The following MITF variants were observed in gnomAD, a reference collection of about 807,000 sequenced individuals.
The protein encoded by MITF is melanocyte inducing transcription factor, also known as microphthalmia-associated transcription factor.
In MITF, 17 loss-of-function variants were observed where a neutral mutation model predicts 60.5. The ratio of observed to expected loss-of-function variants is 0.28; its 90% confidence interval spans 0.19 to 0.42. MITF has a LOEUF of 0.42. Among genes scored for constraint, MITF ranks in the 10% least tolerant of loss-of-function variants. The pLI, the probability that MITF is intolerant of heterozygous loss-of-function variation, is 1.00. For synonymous variants in MITF, 260 were observed against 248.5 expected (o/e 1.05, Z -0.43); for missense variants, 622 against 683.5 (o/e 0.91, Z 1.00).
intron 2 of MITF, among the ~76,000 whole-genome samples, chr3:69,935,102 G>A (rs1052404210): frequency 6.6e-6 from 1 of 152,082 alleles, no homozygotes; most frequent in African/African-American, 2.4e-5. Context: ...TACCTTCCTC[G>A]TAGCTCATGT....
At chr3:69,740,500 C>T (rs961536468) in intron 1 of MITF, among the ~76,000 whole-genome samples, 2 of 152,116 alleles carry the variant, frequency 1.3e-5, no homozygotes, top group Non-Finnish European at 2.9e-5. Context: ...GTGAAGACAT[C>T]CACTGCTCTG....
At chr3:69,887,739 C>T (rs774018287) in intron 2 of MITF, among the ~76,000 whole-genome samples, 1 of 152,026 alleles carries the variant, frequency 6.6e-6, no homozygotes. Context: ...ACCATTGTTT[C>T]TACCAGCTGT....
chr3:69,802,394 G>T (rs141708488), intron 1 of MITF, among the ~76,000 whole-genome samples: 27 of 152,318 alleles, frequency 1.8e-4, no homozygotes, highest in Non-Finnish European at 3.2e-4. Context: ...CGTGCGTTTA[G>T]ATGTTCTCCC....
At chr3:69,943,569 C>A (rs895615981) in intron 5 of MITF, among the ~76,000 whole-genome samples, 2 of 152,004 alleles carry the variant, frequency 1.3e-5, no homozygotes, top group African/African-American at 4.8e-5. Flanking sequence ...ATTATAATAT[C>A]AAATAATATT....
chr3:69,938,278 T>G, intron 3 of MITF: 1 of 1,329,544 alleles, frequency 7.5e-7, no homozygotes, highest in Admixed American at 2.0e-5. Context: ...AAGTGAAATG[T>G]GGAGGCGAGG....
chr3:69,935,761 A>G (rs955083221), intron 2 of MITF, among the ~76,000 whole-genome samples: 1 of 152,212 alleles, frequency 6.6e-6, no homozygotes, highest in Non-Finnish European at 1.5e-5. Context: ...TAAGTTTCAT[A>G]AAGCTGGAAA....
intron 1 of MITF, among the ~76,000 whole-genome samples, chr3:69,870,331 CACAT>C (rs1479210587): frequency 2.0e-5 from 3 of 148,188 alleles, no homozygotes; most frequent in Non-Finnish European, 4.4e-5. Context: ...TATATATACA[CACAT>C]ACATGTGTGT....
intron 1 of MITF, among the ~76,000 whole-genome samples, chr3:69,821,314 T>A (rs1897159): frequency 0.16 from 23,656 of 152,102 alleles, 2,120 homozygotes; most frequent in Non-Finnish European, 0.21. Context: ...GCCCTGACAA[T>A]GCTGGAATTT....
intron 1 of MITF, among the ~76,000 whole-genome samples, chr3:69,783,826 G>C (rs1442642614): frequency 6.6e-6 from 1 of 152,188 alleles, no homozygotes; most frequent in Non-Finnish European, 1.5e-5. Flanking sequence ...TTGGACTCCA[G>C]CTGTCTCTAC....
In MITF at chr3:69,852,838, T is replaced by C. The variant is rs142679369; in HGVS notation, c.105-26296T>C. On this transcript the variant is annotated intron_variant, in intron 1 of 9. Transcript: ENST00000352241. ...CAACATTTGGTAATACATCTCCCTT[T>C]CATTTTACTGAAGAATACGTAGTGT... is the stretch of plus-strand genomic sequence containing the variant. Among the ~76,000 whole-genome samples the C allele has an allele frequency of 4.3e-3, 656 of 152,278 alleles. 2 individuals are homozygous for C. The highest frequency in any genetic ancestry group is 0.015 in the African/African-American group (614 of 41,546).
At chr3:69,826,658 C>T (rs932249282) in intron 1 of MITF, among the ~76,000 whole-genome samples, 10 of 152,128 alleles carry the variant, frequency 6.6e-5, no homozygotes, top group Non-Finnish European at 1.5e-4. Context: ...GAGCCTGTCT[C>T]CTCATTGGCA....
intron 1 of MITF, among the ~76,000 whole-genome samples, chr3:69,760,544 G>T (rs549395858): frequency 6.6e-6 from 1 of 152,288 alleles, no homozygotes; most frequent in East Asian, 1.9e-4. Flanking sequence ...CAAGGTACAG[G>T]TTACTCAGAA....
intron 4 of MITF, among the ~76,000 whole-genome samples, 154 bp downstream of exon 4, chr3:69,939,335 T>C (rs993285655): frequency 4.0e-5 from 6 of 151,820 alleles, no homozygotes; most frequent in African/African-American, 1.5e-4. Context: ...ATTTTCCTCA[T>C]AGTATCTCAT....
At chr3:69,759,274 G>C (rs148525446) in intron 1 of MITF, among the ~76,000 whole-genome samples, 1 of 152,264 alleles carries the variant, frequency 6.6e-6, no homozygotes, top group African/African-American at 2.4e-5. Context: ...ACTATAACCT[G>C]ACTGACTTAG....
intron 1 of MITF, among the ~76,000 whole-genome samples, chr3:69,875,090 G>C (rs1432126797): frequency 6.6e-6 from 1 of 152,256 alleles, no homozygotes; most frequent in East Asian, 1.9e-4. Flanking sequence ...TTAAAATGCT[G>C]GGTTTTGGAA....
At chr3:69,755,244 G>T (rs1192625762) in intron 1 of MITF, among the ~76,000 whole-genome samples, 1 of 152,158 alleles carries the variant, frequency 6.6e-6, no homozygotes. Flanking sequence ...AGGCTGTGTA[G>T]CACTGCTGTC....
At position 69,956,505 on chromosome 3, in the gene MITF, A is replaced by T. The variant is rs766045326; in HGVS notation, c.1006A>T (p.Thr336Ser). 2.5e-6 allele frequency: 4 copies of T among 1,613,426 alleles called. No individual in the cohort carries two copies. In the South Asian group the frequency reaches 3.3e-5, roughly 13 times the overall value. ...NINDRIKELG[T>S]LIPKSNDPDM... Reference sequence around the variant, plus strand: ...AAATGACCGCATTAAAGAACTAGGTACTTTGATTCCCAAGTCAAATGATCC... The same window carrying T: ...AAATGACCGCATTAAAGAACTAGGTTCTTTGATTCCCAAGTCAAATGATCC... Residue 336 changes from threonine (T) to serine (S), a missense_variant, in exon 8 of 10, where the codon ACT (threonine) becomes TCT (serine). Transcript: ENST00000352241.
At chr3:69,829,131 A>C (rs1269100873) in intron 1 of MITF, among the ~76,000 whole-genome samples, 1 of 152,198 alleles carries the variant, frequency 6.6e-6, no homozygotes, top group Non-Finnish European at 1.5e-5. Context: ...TAATAATACA[A>C]ATTTGGGCTT....
intron 1 of MITF, among the ~76,000 whole-genome samples, chr3:69,855,877 T>C (rs2107193882): frequency 6.6e-6 from 1 of 152,318 alleles, no homozygotes; most frequent in Non-Finnish European, 1.5e-5. Context: ...TGTTTTGTTT[T>C]GTTTTCCCCT....
Sources: gnomAD v4.1 joint callset for allele counts (sites outside exome capture counted in the v4.1 genomes callset) on GRCh38, gnomAD v4.1.1 for gene constraint, MANE v1.5 for transcripts, NCBI Gene and HGNC (gene_info 2026-07-23, HGNC 2026-07-21) for gene names.